Variants in NRXN3 observed in about 807,000 individuals in gnomAD.
NRXN3 encodes the protein neurexin III.
In NRXN3, 32 loss-of-function variants were observed where a neutral mutation model predicts 137.6. The ratio of observed to expected loss-of-function variants is 0.23; its 90% CI spans 0.18 to 0.31. The LOEUF (loss-of-function observed/expected upper bound fraction) is 0.31, where lower values mean the gene tolerates loss of function less well. Among genes scored for constraint, NRXN3 ranks in the 10% least tolerant of loss-of-function variants. The pLI is 1.00. For synonymous variants in NRXN3, 798 were observed against 784.5 expected (o/e 1.02, Z -0.29); for missense variants, 1,574 against 2,062.5 (o/e 0.76, Z 4.59).
At chr14:78,271,247 G>A (rs767769011) in intron 2 of NRXN3, among the ~76,000 whole-genome samples, 2 of 152,076 alleles carry the variant, frequency 1.3e-5, no homozygotes, top group Non-Finnish European at 2.9e-5. Context: ...TCATCTTTCC[G>A]GTTAAGCTCT....
chr14:79,385,455 A>T (rs1182947066), intron 15 of NRXN3, among the ~76,000 whole-genome samples: 6 of 152,072 alleles, frequency 3.9e-5, no homozygotes, highest in African/African-American at 2.4e-5. Flanking sequence ...AATCCAGTCT[A>T]TCATTGTAGA....
At chr14:79,361,355 C>G (rs1228368558) in intron 15 of NRXN3, among the ~76,000 whole-genome samples, 2 of 152,180 alleles carry the variant, frequency 1.3e-5, no homozygotes, top group African/African-American at 4.8e-5. Context: ...CTGAGTCCAG[C>G]TGAATACATT....
intron 4 of NRXN3, chr14:78,403,996 C>A: frequency 1.7e-6 from 1 of 580,044 alleles, no homozygotes; most frequent in African/African-American, 2.0e-5. Context: ...TATTTGGAAG[C>A]TTAAATGTGG....
intron 15 of NRXN3, chr14:79,313,968 G>T (rs1451890335): frequency 6.7e-6 from 1 of 149,510 alleles, no homozygotes; most frequent in Non-Finnish European, 1.5e-5. Context: ...GCTTTGTTCT[G>T]TTGCTGGTGA....
intron 4 of NRXN3, among the ~76,000 whole-genome samples, chr14:78,403,397 A>G (rs1378840268): frequency 2.0e-5 from 3 of 152,344 alleles, no homozygotes; most frequent in Middle Eastern, 3.4e-3. Flanking sequence ...GGTATTTCCC[A>G]GAGCAGAGCT....
At chr14:78,899,256 G>T (rs1171768470) in intron 10 of NRXN3, among the ~76,000 whole-genome samples, 1 of 152,060 alleles carries the variant, frequency 6.6e-6, no homozygotes, top group African/African-American at 2.4e-5. Context: ...CTTCACAAGG[G>T]TTTGCCCTCC....
At chr14:78,651,425 T>C in intron 6 of NRXN3, 99 bp downstream of exon 6, 1 of 1,324,080 alleles carries the variant, frequency 7.6e-7, no homozygotes, top group Non-Finnish European at 1.0e-6. Flanking sequence ...CTCAAATCTA[T>C]GAGATGATAG....
At chr14:78,463,607 C>A (rs2094997221) in intron 4 of NRXN3, among the ~76,000 whole-genome samples, 1 of 146,184 alleles carries the variant, frequency 6.8e-6, no homozygotes, top group Non-Finnish European at 1.5e-5. Flanking sequence ...CATGATGGTG[C>A]ACACATAATA....
intron 10 of NRXN3, among the ~76,000 whole-genome samples, chr14:78,854,930 T>C (rs1160262507): frequency 6.6e-6 from 1 of 151,734 alleles, no homozygotes; most frequent in East Asian, 1.9e-4. Context: ...AAAATACAGG[T>C]TGAGTAAGGT....
chr14:78,466,461 A>C (rs2095109500), intron 4 of NRXN3, among the ~76,000 whole-genome samples: 1 of 152,214 alleles, frequency 6.6e-6, no homozygotes, highest in Admixed American at 6.5e-5. Context: ...CCTAGGCGTG[A>C]AGGGATGGAA....
intron 15 of NRXN3, among the ~76,000 whole-genome samples, chr14:79,024,289 T>G (rs374151235): frequency 1.3e-5 from 2 of 152,172 alleles, no homozygotes; most frequent in African/African-American, 4.8e-5. Flanking sequence ...CTTTCTCTCT[T>G]TTTTTCTTCT....
chr14:78,357,778 G>T (rs746491094), intron 4 of NRXN3, among the ~76,000 whole-genome samples: 1 of 152,182 alleles, frequency 6.6e-6, no homozygotes, highest in East Asian at 1.9e-4. Context: ...CTCTTCACAT[G>T]AATCTATGAT....
intron 15 of NRXN3, among the ~76,000 whole-genome samples, chr14:79,357,819 C>T (rs1433606208): frequency 6.6e-6 from 1 of 152,198 alleles, no homozygotes; most frequent in Non-Finnish European, 1.5e-5. Context: ...ATTGACACGT[C>T]ATGTTTTTAA....
At chr14:79,561,216 A>G (rs1602122960) in intron 16 of NRXN3, among the ~76,000 whole-genome samples, 2 of 152,304 alleles carry the variant, frequency 1.3e-5, no homozygotes, top group South Asian at 4.1e-4. Flanking sequence ...CAGCTGTTGA[A>G]TACAACTCAT....
chr14:78,816,717 G>GAT lies in NRXN3; in HGVS notation c.2275+6380_2275+6381dup, dbSNP rs528976991. On this transcript the variant is annotated intron_variant, in intron 10 of 20. Coordinates refer to ENST00000335750, the MANE Select transcript of NRXN3 (RefSeq NM_001330195.2). ...AAAAGATAAGTGCATTATAAATATT[G>GAT]ATATATATTACCAAATTGCACTCCA... 2.3e-3 allele frequency among the ~76,000 whole-genome samples: 350 copies of GAT among 152,170 alleles called. 4 individuals are homozygous for GAT. The highest frequency in any genetic ancestry group is 8.1e-3 in the African/African-American group (336 of 41,532).
chr14:78,495,134 CGTGCGTGTGTGT>C (rs2095753272), intron 4 of NRXN3, among the ~76,000 whole-genome samples: 1 of 23,900 alleles, frequency 4.2e-5, no homozygotes, highest in Non-Finnish European at 9.8e-5. Flanking sequence ...TGTGTGTGTG[CGTGCGTGTGTGT>C]GTGTGTGTGT....
chr14:79,819,901 A>C (rs2242641), intron 20 of NRXN3, among the ~76,000 whole-genome samples: 111,411 of 151,854 alleles, frequency 0.73, 41,411 homozygotes, highest in African/African-American at 0.85. Flanking sequence ...TACACTACAT[A>C]TTTGGGTAGG....
At chr14:79,602,335 T>C (rs1172739231) in intron 16 of NRXN3, among the ~76,000 whole-genome samples, 1 of 152,254 alleles carries the variant, frequency 6.6e-6, no homozygotes, top group Non-Finnish European at 1.5e-5. Context: ...AGAGAGTTGC[T>C]CCTGAGTTCA....
At chr14:79,096,654 C>T (rs1316030727) in intron 15 of NRXN3, among the ~76,000 whole-genome samples, 2 of 152,164 alleles carry the variant, frequency 1.3e-5, no homozygotes, top group African/African-American at 4.8e-5. Flanking sequence ...ATACTTGGCT[C>T]TCACCAGCAT....
Sources: allele counts gnomAD v4.1 joint callset (sites outside exome capture counted in the v4.1 genomes callset), GRCh38; gene constraint gnomAD v4.1.1; transcripts MANE v1.5; gene names NCBI Gene and HGNC (gene_info 2026-07-23, HGNC 2026-07-21).